The following KLHL14 variants were observed in gnomAD, a reference collection of about 807,000 sequenced individuals.
The protein encoded by KLHL14 is kelch like family member 14, also known as kelch-like protein 14.
In KLHL14, 22 loss-of-function variants were observed where a neutral mutation model predicts 64.3. That is an observed-to-expected ratio of 0.34 (90% CI 0.24 to 0.49). The LOEUF (loss-of-function observed/expected upper bound fraction) is 0.49, where lower values mean the gene tolerates loss of function less well. Among genes scored for constraint, KLHL14 ranks in the 20% least tolerant of loss-of-function variants. The probability of loss-of-function intolerance (pLI) is 0.99; values close to 1 mark genes in which losing one functional copy is unlikely to be tolerated. For missense variants in KLHL14, 661 were observed against 789.0 expected (o/e 0.84, Z 1.94); for synonymous variants, 322 against 333.4 (o/e 0.97, Z 0.37).
At chr18:32,711,039 G>A (rs2050016750) in intron 3 of KLHL14, among the ~76,000 whole-genome samples, 1 of 152,196 alleles carries the variant, frequency 6.6e-6, no homozygotes, top group East Asian at 1.9e-4. Flanking sequence ...TGTGTGAACA[G>A]CAAATAGGGC....
intron 2 of KLHL14, among the ~76,000 whole-genome samples, chr18:32,751,860 C>G (rs2050254221): frequency 6.6e-6 from 1 of 152,350 alleles, no homozygotes; most frequent in African/African-American, 2.4e-5. Flanking sequence ...AACGTAGTGT[C>G]TCATGCCTGT....
chr18:32,756,328 A>G (rs773696116), intron 2 of KLHL14, among the ~76,000 whole-genome samples: 5 of 152,168 alleles, frequency 3.3e-5, no homozygotes, highest in Non-Finnish European at 7.4e-5. Context: ...TTGGTCTTGA[A>G]CTTCCAACCA....
At position 32,683,164 on chromosome 18, in the gene KLHL14, G is replaced by A. The variant is rs1343318920; in HGVS notation, c.1239-2565C>T. Among the ~76,000 whole-genome samples the A allele has an allele frequency of 6.6e-6, 1 of 151,972 alleles. No individual in the cohort carries two copies. Among genetic ancestry groups the A allele is most frequent in the Admixed American group, 6.6e-5 (1 of 15,244 alleles). On this transcript the variant is annotated intron_variant, in intron 5 of 8. Transcript: ENST00000359358. This position sits in a 1 kb window ranked among gnomAD's most constrained non-coding sequence, Gnocchi z 4.2. ...TGGTTCCTTCCTCACCGTGACACCT[G>A]GTCAGCCTGTCAGAACCTGCTCTCT... is the stretch of plus-strand genomic sequence containing the variant.
chr18:32,704,883 G>T (rs1382647399), intron 3 of KLHL14, among the ~76,000 whole-genome samples: 3 of 152,138 alleles, frequency 2.0e-5, no homozygotes, highest in East Asian at 3.9e-4. Flanking sequence ...GAGAGAGAGA[G>T]AACATGAGAA....
intron 2 of KLHL14, among the ~76,000 whole-genome samples, chr18:32,748,653 T>TTTTA (rs1491584470): frequency 1.4e-3 from 8 of 5,908 alleles, no homozygotes; most frequent in African/African-American, 2.0e-3. Context: ...CGCACCAGGC[T>TTTTA]TTTTTTTTTT....
chr18:32,700,604 T>A (rs2049961209), intron 3 of KLHL14, among the ~76,000 whole-genome samples: 1 of 152,176 alleles, frequency 6.6e-6, no homozygotes, highest in South Asian at 2.1e-4. Context: ...ATATTCATTC[T>A]TTCTTTCTCC....
rs569867974 is a variant in KLHL14 at position 32,696,285 on chromosome 18, C to T, written c.1070-733G>A. Among the ~76,000 whole-genome samples the T allele has an allele frequency of 2.0e-5, 3 of 152,218 alleles. No individual in the cohort carries two copies. In the South Asian group the frequency reaches 6.2e-4, roughly 32 times the overall value. ...AAATGTGGTGGATGTGAGGAGGGGG[C>T]ATTATTCAGAAACCCACTAATGCCA... On this transcript the variant is annotated intron_variant, in intron 3 of 8. Transcript: ENST00000359358.
intron 3 of KLHL14, among the ~76,000 whole-genome samples, chr18:32,737,106 T>C (rs1055223213): frequency 6.6e-6 from 1 of 152,072 alleles, no homozygotes; most frequent in Non-Finnish European, 1.5e-5. Flanking sequence ...AGTACCTCAT[T>C]GTTTTCTGAA....
At position 32,770,901 on chromosome 18, in the gene KLHL14, C is replaced by A. The variant is rs919967327; in HGVS notation, c.-43-267G>T. 2.1e-6 allele frequency: 1 copy of A among 483,270 alleles called. No homozygotes were observed. The highest frequency in any genetic ancestry group is 3.8e-6 in the Non-Finnish European group (1 of 262,502). The allele number at this position is 483,270 out of a possible 1,614,324, so 29.9% of individuals were successfully genotyped here. A position where few individuals can be genotyped will look rare whatever the true frequency, so the allele number is the denominator to read the frequency against. ...GCGGCTCCTCTCGCCACCTCCCACACACTTCGTCCCTCACTTTCCTAAAAC... is the reference window on the plus strand; with the variant it reads ...GCGGCTCCTCTCGCCACCTCCCACAAACTTCGTCCCTCACTTTCCTAAAAC... On this transcript the variant is annotated intron_variant, in intron 1 of 8. Coordinates refer to ENST00000359358, the MANE Select transcript of KLHL14 (RefSeq NM_020805.3). This position sits in a 1 kb window ranked among gnomAD's most constrained non-coding sequence, Gnocchi z 6.7.
At chr18:32,694,881 G>A (rs955536234) in intron 4 of KLHL14, among the ~76,000 whole-genome samples, 5 of 152,106 alleles carry the variant, frequency 3.3e-5, no homozygotes, top group Non-Finnish European at 5.9e-5. Context: ...TGGGACGTGC[G>A]TTAAAATGTT....
rs77024059 is a variant in KLHL14 at position 32,717,556 on chromosome 18, C to T, written c.1070-22004G>A. 3.5e-4 allele frequency among the ~76,000 whole-genome samples: 54 copies of T among 152,302 alleles called. 1 individual carries two copies. In the East Asian group the frequency reaches 5.8e-3, roughly 16 times the overall value. ...TATTCTATGCCAAGGATTGGGCATA[C>T]GTAATCCTATTTTCTTGGAGTTGGG... On this transcript the variant is annotated intron_variant, in intron 3 of 8. Coordinates refer to ENST00000359358, the MANE Select transcript of KLHL14 (RefSeq NM_020805.3).
intron 3 of KLHL14, among the ~76,000 whole-genome samples, chr18:32,712,544 A>T (rs556815158): frequency 6.6e-6 from 1 of 152,240 alleles, no homozygotes; most frequent in Admixed American, 6.5e-5. Context: ...TGCGTCATTA[A>T]TTTTCCCCTC....
At chr18:32,750,590 A>T (rs1228698229) in intron 2 of KLHL14, among the ~76,000 whole-genome samples, 1 of 152,224 alleles carries the variant, frequency 6.6e-6, no homozygotes. Context: ...CATAAAATAT[A>T]ATCTACTTAC....
At position 32,711,247 on chromosome 18, in the gene KLHL14, G is replaced by A. The variant is rs137938154; in HGVS notation, c.1070-15695C>T. Among the ~76,000 whole-genome samples the A allele has an allele frequency of 2.2e-3, 332 of 152,126 alleles. 2 individuals carry two copies. Among genetic ancestry groups the A allele is most frequent in the African/African-American group, 7.4e-3 (306 of 41,500 alleles). On this transcript the variant is annotated intron_variant, in intron 3 of 8. Transcript: ENST00000359358. ...AAAGCTAAGAGGCAAAGAAAATGGGGGACAGCAAAAGAAAAAGACCATTAA... is the reference window on the plus strand; with the variant it reads ...AAAGCTAAGAGGCAAAGAAAATGGGAGACAGCAAAAGAAAAAGACCATTAA...
chr18:32,695,316 A>C, intron 4 of KLHL14, 147 bp downstream of exon 4: 1 of 638,486 alleles, frequency 1.6e-6, no homozygotes, highest in East Asian at 2.7e-5. Flanking sequence ...CCTCTCTCCA[A>C]TTGTCAGCCC....
chr18:32,759,697 TTCTCTCTCTCTC>T (rs140880053), intron 2 of KLHL14, among the ~76,000 whole-genome samples: 2 of 148,380 alleles, frequency 1.3e-5, no homozygotes, highest in Non-Finnish European at 3.0e-5. Context: ...CATTATAACC[TTCTCTCTCTCTC>T]TCTCTCTCTC....
intron 5 of KLHL14, among the ~76,000 whole-genome samples, chr18:32,685,206 C>T (rs1160816542): frequency 2.0e-5 from 3 of 152,046 alleles, no homozygotes; most frequent in Non-Finnish European, 4.4e-5. Context: ...CTAAGTAGGA[C>T]CCTGCCATGA....
intron 3 of KLHL14, among the ~76,000 whole-genome samples, chr18:32,714,776 A>G (rs1478300065): frequency 6.6e-6 from 1 of 152,144 alleles, no homozygotes; most frequent in Non-Finnish European, 1.5e-5. Context: ...TCCAGAAAAA[A>G]CATCAAGAAC....
intron 2 of KLHL14, among the ~76,000 whole-genome samples, chr18:32,756,727 A>G (rs2050283912): frequency 6.6e-6 from 1 of 152,104 alleles, no homozygotes; most frequent in African/African-American, 2.4e-5. Context: ...TTGCATGTCT[A>G]TTTTCTCTTT....
Sources: allele counts gnomAD v4.1 joint callset (sites outside exome capture counted in the v4.1 genomes callset), GRCh38; gene constraint gnomAD v4.1.1; non-coding constraint Gnocchi (gnomAD v3.1); transcripts MANE v1.5; gene names NCBI Gene and HGNC (gene_info 2026-07-23, HGNC 2026-07-21).